Variants in DCDC2C observed in about 807,000 individuals in gnomAD.
DCDC2C encodes the protein doublecortin domain-containing protein 2C.
A neutral mutation model predicts 45.0 loss-of-function variants in DCDC2C; 44 were observed. That is an observed-to-expected ratio of 0.98 (90% confidence interval 0.77 to 1.26). The LOEUF is 1.26. Among genes scored for constraint, DCDC2C ranks in the 50% most tolerant of loss-of-function variants. The probability of loss-of-function intolerance (pLI) is 0.00; values close to 1 mark genes in which losing one functional copy is unlikely to be tolerated. For missense variants in DCDC2C, 447 were observed against 468.9 expected, an observed-to-expected ratio of 0.95 and a Z score of 0.43; for synonymous variants, 187 against 178.8, an observed-to-expected ratio of 1.05 and a Z score of -0.37.
In DCDC2C at chr2:3,813,346, C is replaced by T. The variant is rs143206405; in HGVS notation, c.1065+28246C>T. Reference sequence around the variant, plus strand: ...CCTCCCAAAGCGCTGGGATTACAGGCGTCAGCCACCAGGCCTGGCCAAAGA... The same window carrying T: ...CCTCCCAAAGCGCTGGGATTACAGGTGTCAGCCACCAGGCCTGGCCAAAGA... On this transcript the variant is annotated intron_variant, in intron 10 of 10. Transcript: ENST00000399143. Among the ~76,000 whole-genome samples the T allele has an allele frequency of 7.0e-3, 1,070 of 152,186 alleles. 12 individuals are homozygous for T. Among genetic ancestry groups the T allele is most frequent in the African/African-American group, 0.024 (1,013 of 41,526 alleles).
At chr2:3,708,785 T>C (rs1009292346) in intron 2 of DCDC2C, among the ~76,000 whole-genome samples, 185 bp downstream of exon 2, 47 of 152,168 alleles carry the variant, frequency 3.1e-4, no homozygotes, top group African/African-American at 1.1e-3. Context: ...AGTAACCAAG[T>C]GGCGGAAGGC....
At chr2:3,705,415 A>C (rs915236633) in intron 1 of DCDC2C, among the ~76,000 whole-genome samples, 9 of 152,248 alleles carry the variant, frequency 5.9e-5, no homozygotes, top group South Asian at 2.1e-4. Flanking sequence ...CAAGCTAGTC[A>C]GATGGTGTGA....
At chr2:3,792,642 G>T (rs1670844573) in intron 10 of DCDC2C, among the ~76,000 whole-genome samples, 1 of 152,158 alleles carries the variant, frequency 6.6e-6, no homozygotes, top group Non-Finnish European at 1.5e-5. Flanking sequence ...GACACAAAAA[G>T]TAACATTTCA....
chr2:3,789,434 C>G (rs1670748653), intron 10 of DCDC2C, among the ~76,000 whole-genome samples: 1 of 152,204 alleles, frequency 6.6e-6, no homozygotes, highest in African/African-American at 2.4e-5. Flanking sequence ...ATCTTTCACT[C>G]TTTTTCTAAT....
chr2:3,800,029 G>T (rs1280454859), intron 10 of DCDC2C, among the ~76,000 whole-genome samples: 2 of 152,216 alleles, frequency 1.3e-5, no homozygotes, highest in Admixed American at 1.3e-4. Context: ...GACTCCGTGG[G>T]TGTAGGACCC....
chr2:3,772,182 A>G (rs762446406), intron 8 of DCDC2C, among the ~76,000 whole-genome samples: 8 of 152,232 alleles, frequency 5.3e-5, no homozygotes, highest in Non-Finnish European at 1.2e-4. Context: ...ATGAATGCAG[A>G]GTCCTCCAAA....
At position 3,769,409 on chromosome 2, in the gene DCDC2C, C is replaced by T; in HGVS notation, c.952C>T (p.Gln318Ter). ...TGTGCAGCTGGAGGTGCCTGTGGAC[C>T]AGGTGGGTGTCCGGGGTCCGATGTC... is the stretch of plus-strand genomic sequence containing the variant. ...HNVQLEVPVD[Q>*]RQAEIVKEDE... Residue 318 changes from glutamine to a stop codon, truncating the protein, a stop_gained and splice_region_variant, in exon 8 of 11, where the codon CAG (glutamine) becomes TAG (stop). Transcript: ENST00000399143. LOFTEE classifies it high-confidence loss of function. 1 of 1,550,242 alleles carries T rather than the reference C, an allele frequency of 6.5e-7. No individual in the cohort carries two copies. Among genetic ancestry groups the T allele is most frequent in the Non-Finnish European group, 8.7e-7 (1 of 1,146,810 alleles).
At chr2:3,770,630 C>G (rs1362613585) in intron 8 of DCDC2C, among the ~76,000 whole-genome samples, 7 of 152,160 alleles carry the variant, frequency 4.6e-5, no homozygotes, top group African/African-American at 1.7e-4. Flanking sequence ...GATAAGGAAA[C>G]TAGGACATTT....
chr2:3,750,677 C>T (rs77851289), intron 4 of DCDC2C, among the ~76,000 whole-genome samples: 14,266 of 152,130 alleles, frequency 0.094, 971 homozygotes, highest in East Asian at 0.34. Context: ...CCTTGGGTGT[C>T]GCACTCAGAT....
rs116795981 is a variant in DCDC2C, at chr2:3,769,479, G to A, written c.954+68G>A. On this transcript the variant is annotated intron_variant, in intron 8 of 10. Coordinates refer to ENST00000399143, the MANE Select transcript of DCDC2C (RefSeq NM_001287444.2). ...TCCATCAGCTCCTGCCCGCCTCAGC[G>A]TCATCCTTCACCCTCTCCCTGCAAA... 2,730 of 1,393,934 alleles carry A rather than the reference G, an allele frequency of 2.0e-3. 37 individuals are homozygous for A. In the African/African-American group the frequency reaches 0.033, roughly 17 times the overall value. 86.3% of individuals were successfully genotyped at this position (1,393,934 alleles called of 1,614,324 possible). A position where few individuals can be genotyped will look rare whatever the true frequency, so the allele number is the denominator to read the frequency against.
At chr2:3,843,780 T>A (rs555413440) in intron 10 of DCDC2C, among the ~76,000 whole-genome samples, 120 of 152,340 alleles carry the variant, frequency 7.9e-4, no homozygotes, top group African/African-American at 2.8e-3. Flanking sequence ...TTTTCAATTT[T>A]TAAATGACTA....
At chr2:3,713,054 T>G (rs1001886763) in intron 2 of DCDC2C, among the ~76,000 whole-genome samples, 3 of 152,194 alleles carry the variant, frequency 2.0e-5, no homozygotes, top group Non-Finnish European at 4.4e-5. Context: ...CATCTGCTGT[T>G]GGGTGGCTCG....
intron 10 of DCDC2C, among the ~76,000 whole-genome samples, chr2:3,813,061 ATATATATTTT>A (rs1158735393): frequency 3.5e-5 from 1 of 28,700 alleles, no homozygotes. Context: ...ATATATATAT[ATATATATTTT>A]TTTTTTTTTG....
intron 10 of DCDC2C, among the ~76,000 whole-genome samples, chr2:3,821,878 A>G (rs949289560): frequency 1.3e-5 from 2 of 152,246 alleles, no homozygotes; most frequent in African/African-American, 4.8e-5. Flanking sequence ...CTTTAGAAGT[A>G]TAATTAAATG....
intron 3 of DCDC2C, among the ~76,000 whole-genome samples, chr2:3,735,221 CTTTCTT>C (rs1668990882): frequency 6.6e-6 from 1 of 151,844 alleles, no homozygotes; most frequent in Non-Finnish European, 1.5e-5. Flanking sequence ...GCTGTTGTAA[CTTTCTT>C]TTTTTTATTT....
chr2:3,767,842 A>G lies in DCDC2C; in HGVS notation c.815A>G (p.Lys272Arg). ...DSVYYAKEEK[K>R]KTLAEPLVQR... Reference sequence around the variant, plus strand: ...GTTTATTATGCCAAAGAAGAAAAGAAGAAAACATTGGCAGAACCTTTAGTC... The same window carrying G: ...GTTTATTATGCCAAAGAAGAAAAGAGGAAAACATTGGCAGAACCTTTAGTC... Residue 272 changes from lysine to arginine, a missense_variant, in exon 7 of 11, where the codon AAG becomes AGG. Physicochemically the swap from Lys to Arg is conservative, Grantham distance 26. Transcript: ENST00000399143. The G allele has an allele frequency of 6.5e-7, 1 of 1,543,932 alleles. No individual in the cohort carries two copies. The highest frequency in any genetic ancestry group is 1.2e-5 in the South Asian group (1 of 82,718).
intron 10 of DCDC2C, among the ~76,000 whole-genome samples, chr2:3,814,551 C>A (rs888108308): frequency 1.3e-4 from 20 of 152,380 alleles, no homozygotes; most frequent in East Asian, 3.9e-4. Context: ...TCCCCCAGTT[C>A]TGTGCCCTTG....
At chr2:3,844,214 G>A in intron 10 of DCDC2C, 1 of 152,498 alleles carries the variant, frequency 6.6e-6, no homozygotes, top group South Asian at 2.1e-4. Flanking sequence ...AACACCTGAG[G>A]AACAAGAGTC....
intron 1 of DCDC2C, among the ~76,000 whole-genome samples, chr2:3,706,828 G>T (rs888030146): frequency 1.6e-4 from 24 of 152,246 alleles, no homozygotes; most frequent in African/African-American, 5.3e-4. Context: ...CAGAGCCAGA[G>T]ACTGGTGGAA....
Sources: gnomAD v4.1 joint callset for allele counts (sites outside exome capture counted in the v4.1 genomes callset) on GRCh38, gnomAD v4.1.1 for gene constraint, MANE v1.5 for transcripts, NCBI Gene and HGNC (gene_info 2026-07-23, HGNC 2026-07-21) for gene names.